The following AFF3 variants were observed in gnomAD, a reference collection of about 807,000 sequenced individuals.
AFF3 encodes ALF transcription elongation factor 3.
A neutral mutation model predicts 129.7 loss-of-function variants in AFF3; 32 were observed. The observed-to-expected ratio is 0.25, with a 90% CI of 0.19 to 0.33. AFF3 has a LOEUF of 0.33. Among genes scored for constraint, AFF3 ranks in the 10% least tolerant of loss-of-function variants. AFF3 has a pLI of 1.00. For missense variants in AFF3, 1,373 were observed against 1,592.0 expected (o/e 0.86, Z 2.34); for synonymous variants, 644 against 635.4 (o/e 1.01, Z -0.20).
intron 12 of AFF3, among the ~76,000 whole-genome samples, chr2:99,656,280 G>T (rs1685742040): frequency 6.6e-6 from 1 of 152,148 alleles, no homozygotes; most frequent in South Asian, 2.1e-4. Context: ...AACTGGTTGG[G>T]ATATATCTTT....
chr2:100,101,998 T>C (rs1240322173), intron 4 of AFF3, among the ~76,000 whole-genome samples: 1 of 148,718 alleles, frequency 6.7e-6, no homozygotes, highest in Non-Finnish European at 1.5e-5. Context: ...CTCAGTAAAG[T>C]CATTTAACAG....
intron 7 of AFF3, among the ~76,000 whole-genome samples, chr2:99,881,148 G>T (rs1420561226): frequency 6.6e-6 from 1 of 152,104 alleles, no homozygotes; most frequent in Non-Finnish European, 1.5e-5. Flanking sequence ...TAATAAGTAG[G>T]TGTCAAACTC....
chr2:99,954,340 T>C (rs1676433079), intron 7 of AFF3, among the ~76,000 whole-genome samples: 1 of 152,024 alleles, frequency 6.6e-6, no homozygotes, highest in Non-Finnish European at 1.5e-5. Context: ...AAGTATAGAG[T>C]ATAAAAGTCA....
intron 7 of AFF3, among the ~76,000 whole-genome samples, chr2:99,942,848 C>T (rs1315926879): frequency 6.6e-6 from 1 of 152,166 alleles, no homozygotes; most frequent in East Asian, 1.9e-4. Flanking sequence ...GGCCTCACAG[C>T]TGGCTCAGTG....
chr2:99,601,196 A>T (rs187380845), intron 14 of AFF3, among the ~76,000 whole-genome samples: 1 of 152,272 alleles, frequency 6.6e-6, no homozygotes, highest in African/African-American at 2.4e-5. Flanking sequence ...TCAAGAGAGA[A>T]TCTGGGGGCA....
intron 8 of AFF3, among the ~76,000 whole-genome samples, chr2:99,779,720 T>C (rs545443078): frequency 6.6e-6 from 1 of 152,322 alleles, no homozygotes; most frequent in South Asian, 2.1e-4. Context: ...TGTCCATGTG[T>C]ACCCATTGAT....
chr2:100,042,668 T>C (rs1008191781), intron 4 of AFF3, among the ~76,000 whole-genome samples: 3 of 152,240 alleles, frequency 2.0e-5, no homozygotes, highest in Middle Eastern at 6.8e-3. Context: ...GTTGAACATA[T>C]CAAACGTGAA....
At chr2:99,798,799 A>G (rs1685730809) in intron 8 of AFF3, among the ~76,000 whole-genome samples, 1 of 152,050 alleles carries the variant, frequency 6.6e-6, no homozygotes, top group Non-Finnish European at 1.5e-5. Flanking sequence ...TACACGAAGC[A>G]AAAGTGAATA....
intron 4 of AFF3, among the ~76,000 whole-genome samples, chr2:100,095,677 C>A (rs1690224176): frequency 6.6e-6 from 1 of 152,176 alleles, no homozygotes; most frequent in African/African-American, 2.4e-5. Flanking sequence ...TGTATGTGCA[C>A]TCATGTGCTT....
chr2:99,752,635 G>A (rs938898591), intron 8 of AFF3, among the ~76,000 whole-genome samples: 1 of 152,052 alleles, frequency 6.6e-6, no homozygotes, highest in Non-Finnish European at 1.5e-5. Flanking sequence ...AAGGGGACTC[G>A]GACTTGATCC....
intron 5 of AFF3, among the ~76,000 whole-genome samples, chr2:100,008,585 A>C (rs1682198628): frequency 6.6e-6 from 1 of 152,208 alleles, no homozygotes; most frequent in Admixed American, 6.5e-5. Flanking sequence ...CTCAATAGTA[A>C]ACAAAAGTTG....
chr2:99,775,004 TG>T (rs1310428420), intron 8 of AFF3, among the ~76,000 whole-genome samples: 1 of 152,174 alleles, frequency 6.6e-6, no homozygotes, highest in African/African-American at 2.4e-5. Context: ...TCAACATCAT[TG>T]ATCATTAGAG....
At chr2:99,660,753 C>A (rs1686161280) in intron 12 of AFF3, among the ~76,000 whole-genome samples, 1 of 152,144 alleles carries the variant, frequency 6.6e-6, no homozygotes, top group African/African-American at 2.4e-5. Flanking sequence ...TATCTGGGGG[C>A]CTAACATTCT....
chr2:100,124,996 A>G (rs78012678), intron 2 of AFF3, among the ~76,000 whole-genome samples: 3,573 of 152,340 alleles, frequency 0.023, 75 homozygotes, highest in Non-Finnish European at 0.031. Context: ...CAATGACAGA[A>G]TCATAGCAAC....
chr2:99,984,226 C>T (rs1205829558), intron 7 of AFF3, among the ~76,000 whole-genome samples: 1 of 152,154 alleles, frequency 6.6e-6, no homozygotes, highest in African/African-American at 2.4e-5. Context: ...AAGAAATACA[C>T]AATGTATCCA....
intron 4 of AFF3, among the ~76,000 whole-genome samples, chr2:100,009,674 C>T (rs1682331800): frequency 2.0e-5 from 3 of 152,122 alleles, no homozygotes; most frequent in African/African-American, 7.2e-5. Context: ...ATGAAGTGGC[C>T]AGGCACCAGA....
chr2:99,554,168 A>G (rs749559085), intron 24 of AFF3, 143 bp downstream of exon 24: 100 of 845,258 alleles, frequency 1.2e-4, no homozygotes, highest in Non-Finnish European at 1.7e-4. Flanking sequence ...AGTTAGTGAC[A>G]TGAGAAAATG....
At chr2:99,770,936 T>A (rs1356068430) in intron 8 of AFF3, among the ~76,000 whole-genome samples, 1 of 152,126 alleles carries the variant, frequency 6.6e-6, no homozygotes, top group African/African-American at 2.4e-5. Context: ...AGCTGGGAGC[T>A]TTGTTGCCTG....
intron 1 of AFF3, among the ~76,000 whole-genome samples, chr2:100,138,877 G>A (rs373082872): frequency 2.7e-5 from 4 of 150,362 alleles, no homozygotes; most frequent in East Asian, 2.0e-4. Context: ...CCCAGGAGGC[G>A]GAGGCTGCAG....
Sources: allele counts gnomAD v4.1 joint callset (sites outside exome capture counted in the v4.1 genomes callset), GRCh38; gene constraint gnomAD v4.1.1; transcripts MANE v1.5; gene names NCBI Gene and HGNC (gene_info 2026-07-23, HGNC 2026-07-21).